The following MAP3K19 variants were observed in gnomAD, a reference collection of about 807,000 sequenced individuals.
The protein encoded by MAP3K19 is mitogen-activated protein kinase kinase kinase 19.
In MAP3K19, 91 loss-of-function variants were observed where a neutral mutation model predicts 114.4. That is an observed-to-expected ratio of 0.80 (90% CI 0.67 to 0.95). The LOEUF (loss-of-function observed/expected upper bound fraction) is 0.95. Among genes scored for constraint, MAP3K19 ranks in the 40% least tolerant of loss-of-function variants. The probability of loss-of-function intolerance (pLI) is 0.00; values close to 1 mark genes in which losing one functional copy is unlikely to be tolerated. For synonymous variants in MAP3K19, 518 were observed against 530.5 expected, an observed-to-expected ratio of 0.98 and a Z score of 0.32; for missense variants, 1,471 against 1,573.2, an observed-to-expected ratio of 0.94 and a Z score of 1.10.
chr2:135,024,560 A>G, intron 4 of MAP3K19, 66 bp downstream of exon 4: 3 of 1,407,566 alleles, frequency 2.1e-6, no homozygotes, highest in Non-Finnish European at 3.0e-6. Context: ...CAGATGTAGA[A>G]AAAGAAAGAG....
intron 5 of MAP3K19, among the ~76,000 whole-genome samples, chr2:135,012,948 T>C (rs925980580): frequency 2.5e-5 from 2 of 79,058 alleles, no homozygotes; most frequent in Non-Finnish European, 4.3e-5. Flanking sequence ...CAAACCCTTG[T>C]TTGTTTGTTT....
At chr2:135,016,315 C>A (rs559261856) in intron 5 of MAP3K19, among the ~76,000 whole-genome samples, 1 of 152,260 alleles carries the variant, frequency 6.6e-6, no homozygotes, top group Non-Finnish European at 1.5e-5. Flanking sequence ...ATTGAAAATT[C>A]TTTCCCCTAT....
chr2:134,976,922 C>T (rs1684274958), intron 12 of MAP3K19, among the ~76,000 whole-genome samples: 1 of 151,722 alleles, frequency 6.6e-6, no homozygotes, highest in South Asian at 2.1e-4. Context: ...TGGCAGGCGC[C>T]TGTAGTCCCA....
intron 11 of MAP3K19, chr2:134,983,139 T>C (rs557296863): frequency 1.5e-5 from 8 of 522,030 alleles, no homozygotes; most frequent in African/African-American, 1.2e-4. Flanking sequence ...TATCAAACAC[T>C]AGAACTTATT....
intron 4 of MAP3K19, among the ~76,000 whole-genome samples, chr2:135,024,320 C>A (rs1441540062): frequency 6.7e-6 from 1 of 149,150 alleles, no homozygotes; most frequent in African/African-American, 2.5e-5. Flanking sequence ...AACCTTCCCA[C>A]TGTTATCCAG....
rs1054923872 is a variant in MAP3K19, at chr2:134,964,540, G to A, written c.*310C>T. The A allele has an allele frequency of 2.1e-5, 4 of 188,418 alleles. No homozygotes were observed. The highest frequency in any genetic ancestry group is 1.7e-4 in the South Asian group (1 of 5,792). 11.7% of individuals were successfully genotyped at this position (188,418 alleles called of 1,614,324 possible). A position where few individuals can be genotyped will look rare whatever the true frequency, so the allele number is the denominator to read the frequency against. ...TAACAACATTAAAATTGACAGGACA[G>A]GCCAAAAATAAAAAGAAATGTCATA... On this transcript the variant is annotated 3_prime_UTR_variant, in exon 13 of 13. Transcript: ENST00000392915.
chr2:135,019,511 G>C (rs1015174691), intron 5 of MAP3K19, among the ~76,000 whole-genome samples: 1 of 152,122 alleles, frequency 6.6e-6, no homozygotes, highest in Non-Finnish European at 1.5e-5. Context: ...AATTAGCTGG[G>C]TGTGGTGGCA....
At chr2:134,998,099 A>C (rs1300261383) in intron 8 of MAP3K19, among the ~76,000 whole-genome samples, 2 of 152,188 alleles carry the variant, frequency 1.3e-5, no homozygotes, top group Non-Finnish European at 2.9e-5. Context: ...GCTGCTATCT[A>C]GCAAATGAGT....
At chr2:135,026,058 G>T (rs1039757774) in intron 3 of MAP3K19, among the ~76,000 whole-genome samples, 1 of 152,134 alleles carries the variant, frequency 6.6e-6, no homozygotes, top group African/African-American at 2.4e-5. Context: ...TTCTCTTATG[G>T]ACTTTTCTTC....
chr2:134,990,559 C>T (rs1685494820), intron 9 of MAP3K19, among the ~76,000 whole-genome samples: 1 of 151,958 alleles, frequency 6.6e-6, no homozygotes. Flanking sequence ...TCACTGCAAC[C>T]TCCACCTTCC....
chr2:135,013,627 T>C (rs35984998), intron 5 of MAP3K19, among the ~76,000 whole-genome samples: 14 of 152,144 alleles, frequency 9.2e-5, no homozygotes, highest in Non-Finnish European at 1.3e-4. Flanking sequence ...TTCTAGTTGG[T>C]TTATTTTATT....
rs561087582 is a variant in MAP3K19 at position 134,986,063 on chromosome 2, T to C, written c.2809A>G (p.Ile937Val). 1.2e-6 allele frequency: 2 copies of C among 1,613,926 alleles called. No homozygotes were observed. The highest frequency in any genetic ancestry group is 1.3e-5 in the African/African-American group (1 of 74,942). The change falls in exon 10 of 13, where the codon ATC becomes GTC. Residue 937 changes from isoleucine to valine, a missense_variant. By Grantham distance (29) the Ile-to-Val change is conservative. Coordinates refer to ENST00000392915, the MANE Select transcript of MAP3K19 (RefSeq NM_025052.5). ...GTTTTTCCAAACATTTGATATGTGA[T>C]TGACTTATTTGCTAAACTATCATGA... ...LDHDSLANKSITYQMFGKTLS... is the reference protein window; with the variant it reads ...LDHDSLANKSVTYQMFGKTLS...
At chr2:135,026,751 G>A (rs1457374478) in intron 3 of MAP3K19, among the ~76,000 whole-genome samples, 3 of 152,072 alleles carry the variant, frequency 2.0e-5, no homozygotes, top group African/African-American at 7.2e-5. Flanking sequence ...TTCAGACATT[G>A]ACAGTGTTTT....
chr2:135,002,674 C>G (rs6713776), intron 6 of MAP3K19, among the ~76,000 whole-genome samples: 44,411 of 151,054 alleles, frequency 0.29, 7,811 homozygotes, highest in African/African-American at 0.47. Flanking sequence ...AAGCTTACTT[C>G]AGAGACTGAT....
At chr2:134,974,490 G>A (rs138683566) in intron 12 of MAP3K19, among the ~76,000 whole-genome samples, 342 of 152,220 alleles carry the variant, frequency 2.2e-3, no homozygotes, top group African/African-American at 7.1e-3. Context: ...ACCTTTCTAG[G>A]TTGTATCTAT....
At chr2:135,005,684 A>G (rs1251610455) in intron 5 of MAP3K19, among the ~76,000 whole-genome samples, 153 bp from the exon 6 acceptor site, 1 of 152,262 alleles carries the variant, frequency 6.6e-6, no homozygotes, top group Non-Finnish European at 1.5e-5. Context: ...ATAAGAAAGT[A>G]TCTGCCCTTG....
intron 1 of MAP3K19, among the ~76,000 whole-genome samples, chr2:135,041,975 G>A (rs2104800163): frequency 6.6e-6 from 1 of 152,242 alleles, no homozygotes; most frequent in East Asian, 1.9e-4. Context: ...TCTAGAACAT[G>A]TACTATTTCA....
intron 3 of MAP3K19, among the ~76,000 whole-genome samples, chr2:135,026,180 C>T (rs113638208): frequency 0.054 from 8,200 of 152,188 alleles, 416 homozygotes; most frequent in African/African-American, 0.14. Context: ...GAATTCCCAA[C>T]TTTGGACAAA....
intron 6 of MAP3K19, among the ~76,000 whole-genome samples, chr2:135,004,616 G>C (rs184150116): frequency 5.8e-4 from 88 of 152,322 alleles, no homozygotes; most frequent in Admixed American, 1.2e-3. Flanking sequence ...ACTTTAAGAA[G>C]GTTATGGATG....
Sources: gnomAD v4.1 joint callset for allele counts (sites outside exome capture counted in the v4.1 genomes callset) on GRCh38, gnomAD v4.1.1 for gene constraint, MANE v1.5 for transcripts, NCBI Gene and HGNC (gene_info 2026-07-23, HGNC 2026-07-21) for gene names.